ROBO1: variants seen among roughly 807,000 people sequenced by gnomAD.
The protein encoded by ROBO1 is roundabout homolog 1.
ROBO1 carries 149 observed loss-of-function variants against 195.9 expected under a neutral mutation model. The observed-to-expected ratio is 0.76, with a 90% confidence interval of 0.67 to 0.87. The LOEUF (loss-of-function observed/expected upper bound fraction) is 0.87. Among genes scored for constraint, ROBO1 ranks in the 40% least tolerant of loss-of-function variants. The pLI, the probability that ROBO1 is intolerant of heterozygous loss-of-function variation, is 0.00. For synonymous variants in ROBO1, 816 were observed against 733.2 expected, an observed-to-expected ratio of 1.11 and a Z score of -1.82; for missense variants, 1,933 against 2,068.3, an observed-to-expected ratio of 0.93 and a Z score of 1.27.
intron 2 of ROBO1, among the ~76,000 whole-genome samples, chr3:79,214,133 T>C (rs540077639): frequency 6.6e-6 from 1 of 152,238 alleles, no homozygotes; most frequent in African/African-American, 2.4e-5. Context: ...CAGGACTCAA[T>C]GTGAGATGCT....
chr3:79,735,600 G>C (rs572129310), intron 1 of ROBO1, among the ~76,000 whole-genome samples: 1 of 152,180 alleles, frequency 6.6e-6, no homozygotes, highest in African/African-American at 2.4e-5. Context: ...GCCGGGCGCG[G>C]TGGCTCACGC....
intron 3 of ROBO1, among the ~76,000 whole-genome samples, chr3:79,114,734 C>A (rs2079958831): frequency 6.6e-6 from 1 of 152,132 alleles, no homozygotes; most frequent in Non-Finnish European, 1.5e-5. Flanking sequence ...TTTTGGCTCA[C>A]ATTTTTCATT....
At chr3:79,497,984 T>C (rs1436296519) in intron 2 of ROBO1, among the ~76,000 whole-genome samples, 2 of 148,266 alleles carry the variant, frequency 1.3e-5, no homozygotes, top group South Asian at 4.3e-4. Context: ...AATATAATTT[T>C]ATTTGCTTCG....
chr3:79,314,641 A>C (rs1470625845), intron 2 of ROBO1, among the ~76,000 whole-genome samples: 1 of 152,174 alleles, frequency 6.6e-6, no homozygotes, highest in Non-Finnish European at 1.5e-5. Context: ...AAGACTAAAA[A>C]TTCTGTTTAT....
In ROBO1 at chr3:79,716,663, A is replaced by T. The variant is rs536595616; in HGVS notation, c.-51+51089T>A. On this transcript the variant is annotated intron_variant, in intron 1 of 30. Coordinates refer to ENST00000464233, the MANE Select transcript of ROBO1 (RefSeq NM_002941.4). ...GAAGATGTAGCAAATATGGTATTAGATGACCTGATACCAACTATGTTGGTC... is the reference window on the plus strand; with the variant it reads ...GAAGATGTAGCAAATATGGTATTAGTTGACCTGATACCAACTATGTTGGTC... Among the ~76,000 whole-genome samples, 6 of 152,104 alleles carry T rather than the reference A, an allele frequency of 3.9e-5. No individual in the cohort carries two copies. In the South Asian group the frequency reaches 1.2e-3, roughly 32 times the overall value.
intron 4 of ROBO1, among the ~76,000 whole-genome samples, chr3:78,776,574 G>C (rs1396952331): frequency 1.3e-5 from 2 of 152,224 alleles, no homozygotes; most frequent in Non-Finnish European, 2.9e-5. Context: ...GAGTTTCAAT[G>C]AGGAATTTGC....
chr3:79,262,589 G>A (rs1043169021), intron 2 of ROBO1, among the ~76,000 whole-genome samples: 2 of 151,976 alleles, frequency 1.3e-5, no homozygotes, highest in South Asian at 4.2e-4. Context: ...GAAGCAATAG[G>A]AAAGGGAAAG....
At chr3:79,014,475 A>T (rs1488749577) in intron 3 of ROBO1, among the ~76,000 whole-genome samples, 4 of 152,128 alleles carry the variant, frequency 2.6e-5, no homozygotes, top group African/African-American at 4.8e-5. Flanking sequence ...TCCATTTCAA[A>T]AAAAGAAAAA....
At chr3:78,926,932 TG>T (rs2039254686) in intron 4 of ROBO1, among the ~76,000 whole-genome samples, 1 of 152,150 alleles carries the variant, frequency 6.6e-6, no homozygotes. Context: ...ACATGAAAGT[TG>T]GATGCAATCC....
intron 1 of ROBO1, among the ~76,000 whole-genome samples, chr3:79,731,295 A>G (rs1361892930): frequency 6.6e-6 from 1 of 152,180 alleles, no homozygotes; most frequent in Admixed American, 6.5e-5. Flanking sequence ...ATTGTATGGT[A>G]TTTTAATGGG....
At chr3:78,811,897 T>C (rs900569438) in intron 4 of ROBO1, among the ~76,000 whole-genome samples, 2 of 152,148 alleles carry the variant, frequency 1.3e-5, no homozygotes, top group African/African-American at 4.8e-5. Flanking sequence ...CTCATTTGTA[T>C]GTGTTCGCAT....
chr3:79,434,384 AC>A (rs2038802432), intron 2 of ROBO1, among the ~76,000 whole-genome samples: 1 of 152,178 alleles, frequency 6.6e-6, no homozygotes, highest in African/African-American at 2.4e-5. Context: ...AAAGTAAACA[AC>A]ACCTTCAAAA....
At chr3:78,665,300 A>G (rs1481684377) in intron 14 of ROBO1, among the ~76,000 whole-genome samples, 1 of 152,220 alleles carries the variant, frequency 6.6e-6, no homozygotes, top group East Asian at 1.9e-4. Flanking sequence ...TGGCAACTGT[A>G]TCCGTCAGTC....
At chr3:79,587,827 A>T (rs142213510) in intron 2 of ROBO1, among the ~76,000 whole-genome samples, 1 of 151,752 alleles carries the variant, frequency 6.6e-6, no homozygotes, top group Non-Finnish European at 1.5e-5. Context: ...CCTTCAGTAG[A>T]TTTTCTCCCT....
At chr3:79,593,917 T>G in intron 1 of ROBO1, among the ~76,000 whole-genome samples, 1 of 152,042 alleles carries the variant, frequency 6.6e-6, no homozygotes, top group South Asian at 2.1e-4. Context: ...GCACCTGGCC[T>G]TTTGTTTTGT....
chr3:78,769,848 T>C (rs1490913773), intron 4 of ROBO1, among the ~76,000 whole-genome samples: 4 of 152,116 alleles, frequency 2.6e-5, no homozygotes, highest in East Asian at 1.9e-4. Context: ...TTGGTTTCGC[T>C]GGATACAAAA....
Position 78,657,148 on chromosome 3 carries a change from C to T in ROBO1, c.2564G>A (p.Ser855Asn), listed in dbSNP as rs779466099. 6.2e-7 allele frequency: 1 copy of T among 1,612,542 alleles called. No homozygotes were observed. Among genetic ancestry groups the T allele is most frequent in the South Asian group, 1.1e-5 (1 of 90,678 alleles). Residue 855 changes from serine to asparagine, a missense_variant, in exon 18 of 31, where the codon AGC becomes AAC. Physicochemically the swap from Ser to Asn is conservative, Grantham distance 46 (BLOSUM62 1). Transcript: ENST00000464233. ...GIRYSVEVAA[S>N]TGAGSGVKSE... Reference sequence around the variant, plus strand: ...CTTTACCCCAGACCCAGCCCCAGTGCTGGCTGCCACTTCCACACTGTATCG... The same window carrying T: ...CTTTACCCCAGACCCAGCCCCAGTGTTGGCTGCCACTTCCACACTGTATCG...
intron 4 of ROBO1, among the ~76,000 whole-genome samples, chr3:78,754,776 G>A (rs894362312): frequency 1.3e-5 from 2 of 152,242 alleles, no homozygotes; most frequent in African/African-American, 4.8e-5. Context: ...GGAAGGTATA[G>A]GAGGCTGTGT....
chr3:79,426,947 C>T (rs1416555808), intron 2 of ROBO1, among the ~76,000 whole-genome samples: 5 of 152,046 alleles, frequency 3.3e-5, no homozygotes, highest in Non-Finnish European at 7.4e-5. Flanking sequence ...ATATAATCCA[C>T]AAATAAAAAC....
Sources: allele counts gnomAD v4.1 joint callset (sites outside exome capture counted in the v4.1 genomes callset), GRCh38; gene constraint gnomAD v4.1.1; transcripts MANE v1.5; gene names NCBI Gene and HGNC (gene_info 2026-07-23, HGNC 2026-07-21).